PTPN14: variants seen among roughly 807,000 people sequenced by gnomAD.
PTPN14 encodes protein tyrosine phosphatase non-receptor type 14.
In PTPN14, 53 loss-of-function variants were observed where a neutral mutation model predicts 126.8. The observed-to-expected ratio is 0.42, with a 90% CI of 0.34 to 0.53. PTPN14 has a LOEUF of 0.53. Among genes scored for constraint, PTPN14 ranks in the 20% least tolerant of loss-of-function variants. The pLI, the probability that PTPN14 is intolerant of heterozygous loss-of-function variation, is 0.08. For synonymous variants in PTPN14, 630 were observed against 599.3 expected, an observed-to-expected ratio of 1.05 and a Z score of -0.75; for missense variants, 1,257 against 1,552.9, an observed-to-expected ratio of 0.81 and a Z score of 3.20.
chr1:214,542,803 A>G (rs1420352689), intron 1 of PTPN14, among the ~76,000 whole-genome samples: 3 of 152,178 alleles, frequency 2.0e-5, no homozygotes, highest in African/African-American at 4.8e-5. Context: ...TGGGACATAA[A>G]TCTGAAGAAA....
chr1:214,405,172 T>C (rs1320737122), intron 5 of PTPN14, among the ~76,000 whole-genome samples: 1 of 152,218 alleles, frequency 6.6e-6, no homozygotes, highest in Non-Finnish European at 1.5e-5. Flanking sequence ...ACATCATCCT[T>C]ACGTCCTGTC....
At chr1:214,480,305 C>T (rs900519963) in intron 1 of PTPN14, among the ~76,000 whole-genome samples, 3 of 152,230 alleles carry the variant, frequency 2.0e-5, no homozygotes, top group Non-Finnish European at 2.9e-5. Flanking sequence ...TATAAGATGA[C>T]TGAAACAATA....
intron 1 of PTPN14, among the ~76,000 whole-genome samples, chr1:214,508,842 T>C (rs1654903009): frequency 6.6e-6 from 1 of 152,212 alleles, no homozygotes; most frequent in Non-Finnish European, 1.5e-5. Context: ...GCAACGTTCA[T>C]CTTCTTATAC....
At chr1:214,363,974 G>A (rs552265093) in intron 18 of PTPN14, among the ~76,000 whole-genome samples, 32 of 152,256 alleles carry the variant, frequency 2.1e-4, no homozygotes, top group African/African-American at 6.7e-4. Flanking sequence ...ATGCAAAGAC[G>A]GGGATGTTTG....
intron 1 of PTPN14, among the ~76,000 whole-genome samples, chr1:214,525,289 T>C (rs1655361283): frequency 6.6e-6 from 1 of 152,184 alleles, no homozygotes; most frequent in Admixed American, 6.5e-5. Context: ...TTCCAACCTC[T>C]GACGGGACAC....
intron 1 of PTPN14, among the ~76,000 whole-genome samples, chr1:214,502,944 T>A (rs1654743807): frequency 1.3e-5 from 2 of 152,194 alleles, no homozygotes; most frequent in Non-Finnish European, 2.9e-5. Flanking sequence ...TCTGTCATTT[T>A]AAAAACCTAT....
At chr1:214,482,933 A>T in intron 1 of PTPN14, 1 of 1,604,584 alleles carries the variant, frequency 6.2e-7, no homozygotes, top group Non-Finnish European at 8.5e-7. Flanking sequence ...CCACTAAGCC[A>T]CCCTCAGATT....
At chr1:214,537,945 CAT>C (rs1655746625) in intron 1 of PTPN14, among the ~76,000 whole-genome samples, 1 of 152,130 alleles carries the variant, frequency 6.6e-6, no homozygotes, top group Non-Finnish European at 1.5e-5. Flanking sequence ...ATTATGTCAA[CAT>C]ATAATAAATA....
At chr1:214,549,267 C>T (rs1656045067) in intron 1 of PTPN14, among the ~76,000 whole-genome samples, 1 of 152,206 alleles carries the variant, frequency 6.6e-6, no homozygotes. Context: ...GTACAGAATG[C>T]TACTGCATTG....
At position 214,356,028 on chromosome 1, in the gene PTPN14, G is replaced by A. The variant is rs916443923; in HGVS notation, c.*1894C>T. The A allele has an allele frequency of 3.4e-5, 5 of 148,864 alleles. No homozygotes were observed. The highest frequency in any genetic ancestry group is 6.8e-5 in the Admixed American group (1 of 14,754). 9.2% of individuals were successfully genotyped at this position (148,864 alleles called of 1,614,324 possible). A position where few individuals can be genotyped will look rare whatever the true frequency, so the allele number is the denominator to read the frequency against. On this transcript the variant is annotated 3_prime_UTR_variant, in exon 19 of 19. Coordinates refer to ENST00000366956, the MANE Select transcript of PTPN14 (RefSeq NM_005401.5). Reference sequence around the variant, plus strand: ...GCCTGGACTACAGTGGCAAGATCACGGCTCACTGCAGTCTCGAATTCTTAG... The same window carrying A: ...GCCTGGACTACAGTGGCAAGATCACAGCTCACTGCAGTCTCGAATTCTTAG...
At chr1:214,432,141 T>C (rs1050030480) in intron 3 of PTPN14, among the ~76,000 whole-genome samples, 3 of 151,822 alleles carry the variant, frequency 2.0e-5, no homozygotes, top group Non-Finnish European at 4.4e-5. Context: ...CAGTGAGCTA[T>C]GATTGCAACA....
At chr1:214,385,820 A>G (rs1317112233) in intron 12 of PTPN14, among the ~76,000 whole-genome samples, 5 of 152,182 alleles carry the variant, frequency 3.3e-5, no homozygotes, top group African/African-American at 1.2e-4. Flanking sequence ...ACAGAGACAA[A>G]TGTGCCGCAA....
At chr1:214,495,554 A>G (rs1661341483) in intron 1 of PTPN14, among the ~76,000 whole-genome samples, 1 of 152,222 alleles carries the variant, frequency 6.6e-6, no homozygotes, top group African/African-American at 2.4e-5. Context: ...ATAGTGTTCC[A>G]ATTAATCCAC....
At chr1:214,515,058 A>G (rs1374009049) in intron 1 of PTPN14, among the ~76,000 whole-genome samples, 1 of 152,164 alleles carries the variant, frequency 6.6e-6, no homozygotes, top group East Asian at 1.9e-4. Flanking sequence ...TCTTCCTCCT[A>G]TTACATCTTC....
Position 214,384,922 on chromosome 1 carries a change from GTTC to G in PTPN14, c.1067-137_1067-135del. ...GAAATCCCATGGTCTCCACCCACAT[GTTC>G]TATAGAATAACAGATACTATCTTGG... is the stretch of plus-strand genomic sequence containing the variant. On this transcript the variant is annotated intron_variant, in intron 12 of 18. Coordinates refer to ENST00000366956, the MANE Select transcript of PTPN14 (RefSeq NM_005401.5). The surrounding 1 kb of genome is among the most constrained non-coding windows in gnomAD (Gnocchi z 5.3). 9.8e-7 allele frequency: 1 copy of G among 1,023,494 alleles called. No individual in the cohort carries two copies. Among genetic ancestry groups the G allele is most frequent in the South Asian group, 1.6e-5 (1 of 61,454 alleles). 63.4% of individuals were successfully genotyped at this position (1,023,494 alleles called of 1,614,324 possible).
At position 214,512,565 on chromosome 1, in the gene PTPN14, G is replaced by T. The variant is rs145130642; in HGVS notation, c.-155+38618C>A. On this transcript the variant is annotated intron_variant, in intron 1 of 18. Transcript: ENST00000366956. Reference sequence around the variant, plus strand: ...GCTGAGGGCAGGAGAAAATGGAGAGGTGTTGTTTAATGGGTGGAGTTTCAG... The same window carrying T: ...GCTGAGGGCAGGAGAAAATGGAGAGTTGTTGTTTAATGGGTGGAGTTTCAG... Among the ~76,000 whole-genome samples the T allele has an allele frequency of 2.9e-3, 441 of 152,270 alleles. 4 individuals are homozygous for T. Among genetic ancestry groups the T allele is most frequent in the African/African-American group, 0.01 (434 of 41,556 alleles).
At chr1:214,472,758 G>A (rs1192331104) in intron 1 of PTPN14, among the ~76,000 whole-genome samples, 1 of 152,146 alleles carries the variant, frequency 6.6e-6, no homozygotes, top group Non-Finnish European at 1.5e-5. Flanking sequence ...TTGAACTTGG[G>A]TTTCCAAAAG....
chr1:214,497,530 C>G (rs11120344), intron 1 of PTPN14, among the ~76,000 whole-genome samples: 27,887 of 152,026 alleles, frequency 0.18, 2,936 homozygotes, highest in Non-Finnish European at 0.25. Context: ...ATGCTACAAG[C>G]TTCTACATAC....
chr1:214,460,524 AACACACACACACACAC>A (rs10522279), intron 2 of PTPN14, among the ~76,000 whole-genome samples: 65 of 132,670 alleles, frequency 4.9e-4, no homozygotes, highest in Non-Finnish European at 8.7e-4. Context: ...TGAAAATTCC[AACACACACACACACAC>A]ACACACACAC....
Sources: allele counts gnomAD v4.1 joint callset (sites outside exome capture counted in the v4.1 genomes callset), GRCh38; gene constraint gnomAD v4.1.1; non-coding constraint Gnocchi (gnomAD v3.1); transcripts MANE v1.5; gene names NCBI Gene and HGNC (gene_info 2026-07-23, HGNC 2026-07-21).